Variants in DNAJB14 observed in about 807,000 individuals in gnomAD.
DNAJB14 encodes DnaJ heat shock protein family (Hsp40) member B14.
In DNAJB14, 22 loss-of-function variants were observed where a neutral mutation model predicts 48.4. The observed-to-expected ratio is 0.45, with a 90% confidence interval of 0.32 to 0.65. The LOEUF (loss-of-function observed/expected upper bound fraction) is 0.65. DNAJB14 is among the 30% of genes least tolerant of loss of function. The pLI is 0.03. For synonymous variants in DNAJB14, 142 were observed against 158.7 expected (o/e 0.89, Z 0.79); for missense variants, 319 against 458.8 (o/e 0.70, Z 2.78).
At chr4:99,932,389 G>A (rs1310596777) in intron 1 of DNAJB14, among the ~76,000 whole-genome samples, 1 of 151,746 alleles carries the variant, frequency 6.6e-6, no homozygotes, top group Non-Finnish European at 1.5e-5. Context: ...ACAAACAAAT[G>A]GTCAATAAGC....
chr4:99,936,469 T>C lies in DNAJB14; in HGVS notation c.134-5848A>G, dbSNP rs185318052. ...ACACACATATGTACAGAAATATACA[T>C]ACATGCATTCACGCATACATTTATT... On this transcript the variant is annotated intron_variant, in intron 1 of 7. Transcript: ENST00000442697. Among the ~76,000 whole-genome samples, 8 of 152,332 alleles carry C rather than the reference T, an allele frequency of 5.3e-5. No individual in the cohort carries two copies. The Middle Eastern group carries it at 0.014, about 259-fold the overall frequency.
chr4:99,906,165 T>C, intron 5 of DNAJB14: 2 of 1,327,870 alleles, frequency 1.5e-6, no homozygotes, highest in Middle Eastern at 2.1e-4. Flanking sequence ...TATAGGCAAT[T>C]AGGTATAACT....
Position 99,897,442 on chromosome 4 carries a change from GTAA to G in DNAJB14, c.*3583_*3585del, listed in dbSNP as rs1560725818. 6.6e-6 allele frequency: 1 copy of G among 151,726 alleles called. No homozygotes were observed. Among genetic ancestry groups the G allele is most frequent in the Non-Finnish European group, 1.5e-5 (1 of 67,810 alleles). The allele number at this position is 151,726 out of a possible 1,614,324, so 9.4% of individuals were successfully genotyped here. A position where few individuals can be genotyped will look rare whatever the true frequency, so the allele number is the denominator to read the frequency against. On this transcript the variant is annotated 3_prime_UTR_variant, in exon 8 of 8. Transcript: ENST00000442697. ...TTTATATGAAAGTATCTATTTAATA[GTAA>G]TAAAACCAAAAAGGAAGCTGAATTC...
At chr4:99,908,925 A>G in intron 3 of DNAJB14, 29 bp from the exon 4 acceptor site, 1 of 1,471,092 alleles carries the variant, frequency 6.8e-7, no homozygotes, top group Middle Eastern at 2.5e-4. Context: ...AAAGTTGGTA[A>G]GCAAAGTTTT....
At chr4:99,902,387 T>TGGGTGGGGTGGGGGAA (rs1725324962) in intron 7 of DNAJB14, among the ~76,000 whole-genome samples, 1 of 134,314 alleles carries the variant, frequency 7.4e-6, no homozygotes, top group Admixed American at 7.6e-5. Flanking sequence ...TCTCTAGGGA[T>TGGGTGGGGTGGGGGAA]GGGTGGGGTG....
chr4:99,911,485 G>T (rs1361967757), intron 3 of DNAJB14, among the ~76,000 whole-genome samples: 1 of 152,102 alleles, frequency 6.6e-6, no homozygotes, highest in East Asian at 1.9e-4. Flanking sequence ...CAGAACAGCT[G>T]TGTCATTATA....
intron 7 of DNAJB14, among the ~76,000 whole-genome samples, chr4:99,902,606 C>T (rs1222448642): frequency 6.6e-6 from 1 of 151,582 alleles, no homozygotes; most frequent in African/African-American, 2.4e-5. Flanking sequence ...CAACTTTTCC[C>T]TAGCAAGGGG....
chr4:99,914,508 T>A (rs1406251463), intron 3 of DNAJB14, among the ~76,000 whole-genome samples: 2 of 151,100 alleles, frequency 1.3e-5, no homozygotes, highest in African/African-American at 4.9e-5. Context: ...GTGGGGGGAG[T>A]GGCGAGGGAT....
chr4:99,935,515 GGTA>G (rs1302633537), intron 1 of DNAJB14, among the ~76,000 whole-genome samples: 1 of 152,146 alleles, frequency 6.6e-6, no homozygotes, highest in Non-Finnish European at 1.5e-5. Context: ...CATAAGGACT[GGTA>G]GTAGTAAGCA....
intron 3 of DNAJB14, among the ~76,000 whole-genome samples, chr4:99,920,108 C>T (rs1327212234): frequency 6.6e-6 from 1 of 152,064 alleles, no homozygotes; most frequent in Non-Finnish European, 1.5e-5. Flanking sequence ...ACACTGGTCT[C>T]TTAACTATTT....
Position 99,900,357 on chromosome 4 carries a change from T to A in DNAJB14, c.*671A>T, listed in dbSNP as rs1013524362. On this transcript the variant is annotated 3_prime_UTR_variant, in exon 8 of 8. Coordinates refer to ENST00000442697, the MANE Select transcript of DNAJB14 (RefSeq NM_001031723.4). ...AGCATTTCATTTCTATGCATGTATA[T>A]GTATAGTAATTCATAAAACTAAATA... 5 of 152,056 alleles carry A rather than the reference T, an allele frequency of 3.3e-5. No homozygotes were observed. Among genetic ancestry groups the A allele is most frequent in the Admixed American group, 2.0e-4 (3 of 15,242 alleles). The allele number at this position is 152,056 out of a possible 1,614,324, so 9.4% of individuals were successfully genotyped here. A position where few individuals can be genotyped will look rare whatever the true frequency, so the allele number is the denominator to read the frequency against.
chr4:99,930,642 C>T (rs1415631832), intron 1 of DNAJB14, 21 bp from the exon 2 acceptor site: 3 of 1,595,732 alleles, frequency 1.9e-6, no homozygotes, highest in South Asian at 1.1e-5. Context: ...ATAAAGTACA[C>T]TATGCCTGTT....
At chr4:99,905,474 T>C in intron 6 of DNAJB14, 123 bp downstream of exon 6, 1 of 611,536 alleles carries the variant, frequency 1.6e-6, no homozygotes, top group East Asian at 2.8e-5. Context: ...AAATTTAAAA[T>C]CTGGTACACT....
intron 1 of DNAJB14, 93 bp downstream of exon 1, chr4:99,946,346 G>C (rs1727074971): frequency 6.6e-7 from 1 of 1,522,772 alleles, no homozygotes; most frequent in Non-Finnish European, 8.8e-7. Context: ...CGGGGGCCCC[G>C]CAGGCCTCCA....
intron 3 of DNAJB14, among the ~76,000 whole-genome samples, chr4:99,916,283 C>A (rs990779654): frequency 1.3e-5 from 2 of 152,094 alleles, no homozygotes; most frequent in Non-Finnish European, 2.9e-5. Flanking sequence ...GGATAACAGA[C>A]ACGTGCTACC....
intron 3 of DNAJB14, among the ~76,000 whole-genome samples, chr4:99,911,628 C>T (rs967719487): frequency 6.6e-6 from 1 of 152,170 alleles, no homozygotes; most frequent in Non-Finnish European, 1.5e-5. Context: ...TTGCATTTCT[C>T]TAATGACTAA....
chr4:99,946,009 T>C (rs934679890), intron 1 of DNAJB14, among the ~76,000 whole-genome samples: 3 of 152,228 alleles, frequency 2.0e-5, no homozygotes, highest in South Asian at 2.1e-4. Context: ...GAATCTGAGA[T>C]TAGCCACTAG....
chr4:99,916,235 C>G (rs1725851126), intron 3 of DNAJB14, among the ~76,000 whole-genome samples: 1 of 152,100 alleles, frequency 6.6e-6, no homozygotes, highest in Non-Finnish European at 1.5e-5. Flanking sequence ...ACCCCCCAGG[C>G]TCAAGTGATT....
chr4:99,923,261 T>C, intron 2 of DNAJB14, 76 bp from the exon 3 acceptor site: 1 of 1,287,412 alleles, frequency 7.8e-7, no homozygotes, highest in Non-Finnish European at 1.1e-6. Flanking sequence ...TTTAATTTAT[T>C]AGAATACTAT....
Sources: gnomAD v4.1 joint callset for allele counts (sites outside exome capture counted in the v4.1 genomes callset) on GRCh38, gnomAD v4.1.1 for gene constraint, MANE v1.5 for transcripts, NCBI Gene and HGNC (gene_info 2026-07-23, HGNC 2026-07-21) for gene names.